Variants in ZNF682 observed in about 807,000 individuals in gnomAD.
The protein encoded by ZNF682 is zinc finger protein 682.
Under a neutral mutation model 36.5 loss-of-function variants are expected in ZNF682, and 29 were observed. The observed-to-expected ratio is 0.80, with a 90% confidence interval of 0.59 to 1.08. The LOEUF (loss-of-function observed/expected upper bound fraction) is 1.08, where lower values mean the gene tolerates loss of function less well. Among genes scored for constraint, ZNF682 ranks in the 50% least tolerant of loss-of-function variants. ZNF682 has a pLI of 0.00. For missense variants in ZNF682, 561 were observed against 579.7 expected (o/e 0.97, Z 0.33); for synonymous variants, 180 against 197.0 (o/e 0.91, Z 0.72).
Position 20,004,849 on chromosome 19 carries a change from G to C in ZNF682, c.*1156C>G, listed in dbSNP as rs2088197485. 6.6e-6 allele frequency: 1 copy of C among 152,008 alleles called. No individual in the cohort carries two copies. The allele number at this position is 152,008 out of a possible 1,614,324, so 9.4% of individuals were successfully genotyped here. On this transcript the variant is annotated 3_prime_UTR_variant, in exon 4 of 4. Transcript: ENST00000397165. ...TCTTTCAATGCAAAAAGTGTACTTT[G>C]AATATAATTGTTTAAGTCTCAAAAT...
At chr19:20,004,022 A>G (rs2088188780), downstream of ZNF682, among the ~76,000 whole-genome samples, 1 of 152,220 alleles carries the variant, frequency 6.6e-6, no homozygotes, top group South Asian at 2.1e-4. Flanking sequence ...ATATTTGTAT[A>G]TTAAACTTTC....
chr19:20,001,601 A>G (rs561482493), downstream of ZNF682, among the ~76,000 whole-genome samples: 1 of 152,328 alleles, frequency 6.6e-6, no homozygotes, highest in East Asian at 1.9e-4. Flanking sequence ...GTTTGCTAGG[A>G]CTGCCATAAC....
chr19:20,035,459 C>A (rs2088520065), intron 1 of ZNF682, among the ~76,000 whole-genome samples: 1 of 151,694 alleles, frequency 6.6e-6, no homozygotes, highest in Admixed American at 6.6e-5. Flanking sequence ...CTCCTGACCT[C>A]GTGATCCACC....
chr19:20,023,808 C>T (rs2088408431), intron 2 of ZNF682, among the ~76,000 whole-genome samples: 1 of 151,834 alleles, frequency 6.6e-6, no homozygotes, highest in Admixed American at 6.6e-5. Flanking sequence ...ATAGTGAAAC[C>T]TCCTCTTTAC....
chr19:20,024,395 CAT>C lies in ZNF682; in HGVS notation c.4-21_4-20del. On this transcript the variant is annotated intron_variant, in intron 1 of 3. Transcript: ENST00000397165. ...ACAGTTCCTGAAAAACAAAACAAAA[CAT>C]AGTGACCAACTGTCAATGGGCAGAG... 6.2e-7 allele frequency: 1 copy of C among 1,600,360 alleles called. No individual in the cohort carries two copies. The highest frequency in any genetic ancestry group is 8.5e-7 in the Non-Finnish European group (1 of 1,174,788).
chr19:20,018,260 A>AT (rs1291660117), intron 3 of ZNF682, among the ~76,000 whole-genome samples: 36 of 150,706 alleles, frequency 2.4e-4, no homozygotes, highest in Middle Eastern at 3.4e-3. Context: ...CGCCCGGCTA[A>AT]TTTTTTGTAT....
At position 20,023,121 on chromosome 19, in the gene ZNF682, ATGTGATTCTTGC is replaced by A. The variant is rs1241618221; in HGVS notation, c.131-34_131-23del. On this transcript the variant is annotated intron_variant, in intron 2 of 3. Transcript: ENST00000397165. The stretch of plus-strand genomic sequence containing the variant: ...AGACCTGTTTTATTAGAAAAAAGTA[ATGTGATTCTTGC>A]TGGGATTCTCCAATTACCAACCTAG... 3.7e-6 allele frequency: 6 copies of A among 1,606,474 alleles called. No homozygotes were observed. The African/African-American group carries it at 8.0e-5, about 21-fold the overall frequency.
rs71172554 is a variant in ZNF682 at position 20,018,078 on chromosome 19, C to CTTTTTTTT, written c.226+4918_226+4925dup. Among the ~76,000 whole-genome samples the CTTTTTTTT allele has an allele frequency of 3.2e-4, 19 of 58,682 alleles. 1 individual carries two copies. Among genetic ancestry groups the CTTTTTTTT allele is most frequent in the Admixed American group, 5.8e-4 (2 of 3,438 alleles). 38.5% of individuals were successfully genotyped at this position (58,682 alleles called of 152,430 possible). On this transcript the variant is annotated intron_variant, in intron 3 of 3. Transcript: ENST00000397165. ...GAAATATAGTTAAGATTCTCAAATT[C>CTTTTTTTT]TTTTTTTTTTTTTTTTTTTTTTTTT...
At chr19:20,019,681 T>C (rs191409253) in intron 3 of ZNF682, among the ~76,000 whole-genome samples, 3 of 152,264 alleles carry the variant, frequency 2.0e-5, no homozygotes, top group African/African-American at 4.8e-5. Context: ...TGGATAGATA[T>C]TTTTCCAGTG....
chr19:20,013,637 GT>G (rs1722980198), intron 3 of ZNF682, among the ~76,000 whole-genome samples: 1 of 152,116 alleles, frequency 6.6e-6, no homozygotes, highest in Non-Finnish European at 1.5e-5. Context: ...CTGGAGCGCA[GT>G]GGCGCGATCT....
intron 1 of ZNF682, among the ~76,000 whole-genome samples, chr19:20,036,777 G>A (rs1035869960): frequency 2.6e-4 from 34 of 133,236 alleles, no homozygotes; most frequent in African/African-American, 9.6e-4. Flanking sequence ...CACCAGTTCC[G>A]GGAACATGGT....
intron 3 of ZNF682, among the ~76,000 whole-genome samples, chr19:20,014,054 C>T (rs918971918): frequency 6.6e-6 from 1 of 152,110 alleles, no homozygotes; most frequent in African/African-American, 2.4e-5. Context: ...TTTACAGTGC[C>T]CAAAGTAATG....
At chr19:20,010,694 C>T (rs886821777) in intron 3 of ZNF682, among the ~76,000 whole-genome samples, 2 of 151,868 alleles carry the variant, frequency 1.3e-5, no homozygotes, top group African/African-American at 4.8e-5. Flanking sequence ...CTGGCCAGTG[C>T]GGTGGCTCAC....
At chr19:20,035,872 A>T (rs1395181774) in intron 1 of ZNF682, among the ~76,000 whole-genome samples, 1 of 151,982 alleles carries the variant, frequency 6.6e-6, no homozygotes, top group Non-Finnish European at 1.5e-5. Flanking sequence ...AGTAGCAGGG[A>T]TTACAGGCGT....
chr19:20,000,787 A>T (rs2088162887), downstream of ZNF682, among the ~76,000 whole-genome samples: 1 of 152,168 alleles, frequency 6.6e-6, no homozygotes, highest in African/African-American at 2.4e-5. Context: ...GCAGGCAATC[A>T]ATCTTTTTTA....
At chr19:19,995,853 T>C (rs2088126356), downstream of ZNF682, among the ~76,000 whole-genome samples, 1 of 152,040 alleles carries the variant, frequency 6.6e-6, no homozygotes, top group Admixed American at 6.5e-5. Flanking sequence ...ATCTCAGTCA[T>C]AATCAAAATT....
intron 3 of ZNF682, among the ~76,000 whole-genome samples, chr19:20,022,689 A>T (rs1051186529): frequency 6.6e-6 from 1 of 152,166 alleles, no homozygotes; most frequent in South Asian, 2.1e-4. Context: ...AAATAGTTTA[A>T]CATAGAGTTC....
intron 1 of ZNF682, among the ~76,000 whole-genome samples, chr19:20,029,111 T>G (rs953196609): frequency 2.0e-5 from 3 of 151,522 alleles, no homozygotes; most frequent in African/African-American, 4.8e-5. Flanking sequence ...CCTGAGTCAC[T>G]GGGATTATAG....
At chr19:19,995,990 T>C (rs199880367), downstream of ZNF682, among the ~76,000 whole-genome samples, 2 of 152,132 alleles carry the variant, frequency 1.3e-5, no homozygotes, top group African/African-American at 4.8e-5. Flanking sequence ...CCACAGGATA[T>C]GGGAGGCACA....
Sources: gnomAD v4.1 joint callset for allele counts (sites outside exome capture counted in the v4.1 genomes callset) on GRCh38, gnomAD v4.1.1 for gene constraint, MANE v1.5 for transcripts, NCBI Gene and HGNC (gene_info 2026-07-23, HGNC 2026-07-21) for gene names.